Variants in CAT observed in about 807,000 individuals in gnomAD.
CAT encodes catalase.
Under a neutral mutation model 59.0 loss-of-function variants are expected in CAT, and 43 were observed. The observed-to-expected ratio is 0.73, with a 90% CI of 0.57 to 0.94. The LOEUF (loss-of-function observed/expected upper bound fraction) is 0.94, where lower values mean the gene tolerates loss of function less well. CAT is among the 40% of genes least tolerant of loss of function. The pLI is 0.00. For synonymous variants in CAT, 218 were observed against 230.9 expected (o/e 0.94, Z 0.51); for missense variants, 664 against 682.9 (o/e 0.97, Z 0.31).
rs767356119 is a variant in CAT at position 34,451,060 on chromosome 11, G to C, written c.311G>C (p.Gly104Ala). ...YSKAKVFEHI[G>A]KKTPIAVRFS... ...AAGGCAAAGGTATTTGAGCATATTGGAAAGAAGACTCCCATCGCAGTTCGG... is the reference window on the plus strand; with the variant it reads ...AAGGCAAAGGTATTTGAGCATATTGCAAAGAAGACTCCCATCGCAGTTCGG... The change falls in exon 3 of 13, where the codon GGA (glycine) becomes GCA (alanine). Residue 104 changes from glycine (G) to alanine (A), a missense_variant. By Grantham distance (60) the Gly-to-Ala change is moderately conservative. Coordinates refer to ENST00000241052, the MANE Select transcript of CAT (RefSeq NM_001752.4). The C allele has an allele frequency of 2.5e-6, 4 of 1,613,484 alleles. No homozygotes were observed. In the Admixed American group the frequency reaches 6.7e-5, roughly 27 times the overall value.
At chr11:34,471,274 TATTATTTTC>T in intron 12 of CAT, 85 bp from the exon 13 acceptor site, 2 of 1,055,458 alleles carry the variant, frequency 1.9e-6, no homozygotes, top group South Asian at 2.5e-5. Flanking sequence ...AATTCTGAAT[TATTATTTTC>T]ATTTGCATAC....
chr11:34,470,879 A>C, intron 11 of CAT, 79 bp from the exon 12 acceptor site: 1 of 1,187,384 alleles, frequency 8.4e-7, no homozygotes, highest in Non-Finnish European at 1.3e-6. Context: ...TGGAATAAAC[A>C]CTGGGAAACC....
chr11:34,442,394 G>A (rs991067187), intron 1 of CAT, among the ~76,000 whole-genome samples: 1 of 152,134 alleles, frequency 6.6e-6, no homozygotes, highest in African/African-American at 2.4e-5. Flanking sequence ...CTGAGGTCAG[G>A]AGTTCAAAAC....
chr11:34,465,219 C>T (rs564468494), intron 10 of CAT, among the ~76,000 whole-genome samples: 1 of 152,294 alleles, frequency 6.6e-6, no homozygotes, highest in African/African-American at 2.4e-5. Context: ...TAGATTAGAA[C>T]CTATTTCTAG....
At chr11:34,471,102 C>G (rs1856768441) in intron 12 of CAT, 61 bp downstream of exon 12, 1 of 1,364,576 alleles carries the variant, frequency 7.3e-7, no homozygotes, top group Admixed American at 1.7e-5. Context: ...GTAGGCATGA[C>G]TTAGTTACCA....
chr11:34,468,511 A>C, intron 11 of CAT, 116 bp downstream of exon 11: 1 of 213,224 alleles, frequency 4.7e-6, no homozygotes, highest in Non-Finnish European at 9.3e-6. Context: ...AAGAGAACTT[A>C]AAAAAAAAAA....
At chr11:34,468,519 A>T (rs1016355489) in intron 11 of CAT, 124 bp downstream of exon 11, 102 of 707,558 alleles carry the variant, frequency 1.4e-4, no homozygotes, top group Admixed American at 2.6e-4. Flanking sequence ...TTAAAAAAAA[A>T]AAAATAAACT....
intron 11 of CAT, among the ~76,000 whole-genome samples, chr11:34,469,882 T>G (rs1564967991): frequency 6.6e-6 from 1 of 152,178 alleles, no homozygotes; most frequent in Non-Finnish European, 1.5e-5. Context: ...ACCAGGCTGG[T>G]CTTGAACTAC....
intron 11 of CAT, among the ~76,000 whole-genome samples, chr11:34,470,525 G>C (rs1222881250): frequency 6.6e-6 from 1 of 152,196 alleles, no homozygotes; most frequent in Non-Finnish European, 1.5e-5. Context: ...CTAACCTTCT[G>C]ATCGCGTGCT....
chr11:34,456,005 T>A lies in CAT; in HGVS notation c.712-6T>A. 6.2e-7 allele frequency: 1 copy of A among 1,613,518 alleles called. No individual in the cohort carries two copies. Among genetic ancestry groups the A allele is most frequent in the Non-Finnish European group, 8.5e-7 (1 of 1,179,668 alleles). ...TCCATTGGAGCTTCTTTCTTTCATT[T>A]TGTAGACTGACCAGGGCATCAAAAA... is the stretch of plus-strand genomic sequence containing the variant. On this transcript the variant is annotated splice_polypyrimidine_tract_variant and splice_region_variant and intron_variant, in intron 6 of 12. Coordinates refer to ENST00000241052, the MANE Select transcript of CAT (RefSeq NM_001752.4).
intron 8 of CAT, among the ~76,000 whole-genome samples, chr11:34,460,523 A>G (rs1230519432): frequency 7.3e-6 from 1 of 137,132 alleles, no homozygotes; most frequent in Admixed American, 8.5e-5. Flanking sequence ...ATTGCAGCTC[A>G]CTGCTGCCTC....
intron 1 of CAT, among the ~76,000 whole-genome samples, chr11:34,440,571 T>TC (rs1194658977): frequency 6.6e-6 from 1 of 151,770 alleles, no homozygotes; most frequent in East Asian, 1.9e-4. Context: ...TCTTTTCTTT[T>TC]TTTTTTTTTG....
rs1856686707 is a variant in CAT at position 34,464,208 on chromosome 11, C to T, written c.1299C>T (p.Asn433=). The part of the protein sequence containing the change: ...IQYSGEVRRF[N]TANDDNVTQV... ...ATTCTGGAGAAGTGCGGAGATTCAACACTGCCAATGATGATAACGTTACTC... is the reference window on the plus strand; with the variant it reads ...ATTCTGGAGAAGTGCGGAGATTCAATACTGCCAATGATGATAACGTTACTC... Residue 433 remains asparagine (N), a synonymous_variant, in exon 10 of 13, where the codon AAC becomes AAT. Coordinates refer to ENST00000241052, the MANE Select transcript of CAT (RefSeq NM_001752.4). The T allele has an allele frequency of 8.1e-6, 13 of 1,613,952 alleles. No individual in the cohort carries two copies. The highest frequency in any genetic ancestry group is 1.7e-5 in the Admixed American group (1 of 60,012).
chr11:34,449,553 T>A (rs1023846265), intron 2 of CAT, among the ~76,000 whole-genome samples, 190 bp downstream of exon 2: 1 of 152,252 alleles, frequency 6.6e-6, no homozygotes, highest in African/African-American at 2.4e-5. Flanking sequence ...ACATTATATA[T>A]AAAATAGTTT....
intron 8 of CAT, among the ~76,000 whole-genome samples, chr11:34,460,442 G>A (rs1351083252): frequency 1.4e-5 from 2 of 144,244 alleles, no homozygotes; most frequent in Non-Finnish European, 3.0e-5. Context: ...GGGAGTGGGC[G>A]GTACTTTTTT....
intron 4 of CAT, 53 bp downstream of exon 4, chr11:34,452,260 T>TTCAAA: frequency 6.4e-7 from 1 of 1,559,692 alleles, no homozygotes; most frequent in Non-Finnish European, 8.8e-7. Context: ...TTAAATTGAT[T>TTCAAA]TCAAATAGGT....
chr11:34,448,426 T>C (rs1856484608), intron 1 of CAT, among the ~76,000 whole-genome samples: 1 of 152,178 alleles, frequency 6.6e-6, no homozygotes, highest in African/African-American at 2.4e-5. Flanking sequence ...GATGAAGCTA[T>C]GAGCTTCCAG....
At chr11:34,470,836 A>G (rs1270949231) in intron 11 of CAT, 122 bp from the exon 12 acceptor site, 3 of 823,872 alleles carry the variant, frequency 3.6e-6, no homozygotes, top group Non-Finnish European at 6.4e-6. Context: ...CACCTGTAGT[A>G]CTGCCTCCTG....
chr11:34,461,242 T>C lies in CAT; in HGVS notation c.1057-9T>C. 6.2e-7 allele frequency: 1 copy of C among 1,614,144 alleles called. No individual in the cohort carries two copies. Among genetic ancestry groups the C allele is most frequent in the Non-Finnish European group, 8.5e-7 (1 of 1,179,952 alleles). On this transcript the variant is annotated splice_polypyrimidine_tract_variant and intron_variant, in intron 8 of 12. Coordinates refer to ENST00000241052, the MANE Select transcript of CAT (RefSeq NM_001752.4). ...CCCTAGTCAGTGTCTATTGTATTTA[T>C]TACTGCAGGGCCGCCTTTTTGCCTA...
Sources: gnomAD v4.1 joint callset for allele counts (sites outside exome capture counted in the v4.1 genomes callset) on GRCh38, gnomAD v4.1.1 for gene constraint, MANE v1.5 for transcripts, NCBI Gene and HGNC (gene_info 2026-07-23, HGNC 2026-07-21) for gene names.